The following TRIM26 variants were observed in gnomAD, a reference collection of about 807,000 sequenced individuals.
The protein encoded by TRIM26 is tripartite motif-containing protein 26.
A neutral mutation model predicts 45.5 loss-of-function variants in TRIM26; 16 were observed. That is an observed-to-expected ratio of 0.35 (90% CI 0.24 to 0.53). TRIM26 has a LOEUF of 0.53. TRIM26 is among the 20% of genes least tolerant of loss of function. The pLI, the probability that TRIM26 is intolerant of heterozygous loss-of-function variation, is 0.92. For missense variants in TRIM26, 442 were observed against 691.1 expected, an observed-to-expected ratio of 0.64 and a Z score of 4.04; for synonymous variants, 273 against 290.4, an observed-to-expected ratio of 0.94 and a Z score of 0.61.
chr6:30,189,859 G>A lies in TRIM26; in HGVS notation c.788+154C>T, dbSNP rs981626387. 26 of 852,394 alleles carry A rather than the reference G, an allele frequency of 3.1e-5. No individual in the cohort carries two copies. In the East Asian group the frequency reaches 5.0e-4, roughly 16 times the overall value. The allele number at this position is 852,394 out of a possible 1,614,324, so 52.8% of individuals were successfully genotyped here. ...GAGCAAGTCTCCAGTTCTCAATGATGTGTCCTGCTCCTCAGAAGGGCATCA... is the reference window on the plus strand; with the variant it reads ...GAGCAAGTCTCCAGTTCTCAATGATATGTCCTGCTCCTCAGAAGGGCATCA... On this transcript the variant is annotated intron_variant, in intron 7 of 9. Transcript: ENST00000454678. This position sits in a 1 kb window ranked among gnomAD's most constrained non-coding sequence, Gnocchi z 5.0.
intron 1 of TRIM26, among the ~76,000 whole-genome samples, chr6:30,206,490 A>G (rs1310803173): frequency 6.6e-6 from 1 of 152,262 alleles, no homozygotes; most frequent in African/African-American, 2.4e-5. Flanking sequence ...AAGGCGTTAA[A>G]TTGCCCTGGT....
At chr6:30,193,176 A>AT (rs1372822349) in intron 6 of TRIM26, among the ~76,000 whole-genome samples, 1 of 54,694 alleles carries the variant, frequency 1.8e-5, no homozygotes, top group Non-Finnish European at 3.1e-5. Flanking sequence ...ATATATATAT[A>AT]TATATATTTT....
intron 6 of TRIM26, among the ~76,000 whole-genome samples, chr6:30,191,671 A>G (rs1775859458): frequency 6.6e-6 from 1 of 152,160 alleles, no homozygotes; most frequent in African/African-American, 2.4e-5. Context: ...AAAGTTTGGG[A>G]AGAGTTGTGA....
At chr6:30,205,867 C>A (rs1777677617) in intron 1 of TRIM26, among the ~76,000 whole-genome samples, 1 of 152,102 alleles carries the variant, frequency 6.6e-6, no homozygotes, top group Non-Finnish European at 1.5e-5. Flanking sequence ...CAGAGAGGTG[C>A]CCTGGTAGAC....
Position 30,189,929 on chromosome 6 carries a change from C to G in TRIM26, c.788+84G>C. ...AGTACCTCTGGCACCATACCACTCC[C>G]CATGAATTCAAATGCACCTGGTCAG... On this transcript the variant is annotated intron_variant, in intron 7 of 9. Transcript: ENST00000454678. The surrounding 1 kb of genome is among the most constrained non-coding windows in gnomAD (Gnocchi z 5.0). 1 of 1,540,314 alleles carries G rather than the reference C, an allele frequency of 6.5e-7. No homozygotes were observed. Among genetic ancestry groups the G allele is most frequent in the Non-Finnish European group, 9.0e-7 (1 of 1,114,990 alleles).
rs1372109276 is a variant in TRIM26 at position 30,209,502 on chromosome 6, G to C, written c.-376+3803C>G. Among the ~76,000 whole-genome samples the C allele has an allele frequency of 1.3e-5, 2 of 152,138 alleles. No individual in the cohort carries two copies. Among genetic ancestry groups the C allele is most frequent in the Non-Finnish European group, 2.9e-5 (2 of 68,028 alleles). ...ATGGATTAATGCCTTTCTTGCAAGA[G>C]TCCATTGGCCAGAACCGTGAGCTGA... On this transcript the variant is annotated intron_variant, in intron 1 of 9. Coordinates refer to ENST00000454678, the MANE Select transcript of TRIM26 (RefSeq NM_003449.5). This position sits in a 1 kb window ranked among gnomAD's most constrained non-coding sequence, Gnocchi z 4.8.
intron 9 of TRIM26, among the ~76,000 whole-genome samples, 172 bp downstream of exon 9, chr6:30,188,995 A>G (rs1231518670): frequency 6.6e-6 from 1 of 152,124 alleles, no homozygotes; most frequent in Non-Finnish European, 1.5e-5. Context: ...TGCAGACTAA[A>G]GAGTAGGCTG....
intron 9 of TRIM26, chr6:30,188,628 A>G (rs1414258916): frequency 8.9e-6 from 2 of 225,954 alleles, no homozygotes; most frequent in Admixed American, 4.0e-5. Flanking sequence ...GACCTCCTCA[A>G]TGGTTCTCAC....
chr6:30,200,652 C>A (rs2127517558), intron 3 of TRIM26, among the ~76,000 whole-genome samples: 1 of 152,326 alleles, frequency 6.6e-6, no homozygotes, highest in Middle Eastern at 3.4e-3. Context: ...GTAGTCCTGA[C>A]CCAGTTCCAG....
At position 30,198,950 on chromosome 6, in the gene TRIM26, C is replaced by CGGGGCGGCTCCCTGAGAT. The variant is rs1776800871; in HGVS notation, c.136_153dup (p.Ile46_Pro51dup). ...AAAGGCTTCTTGCAGAGTGGGCAGA[C>CGGGGCGGCTCCCTGAGAT]GGGGCGGCTCCCTGAGATGGGGCGG... On this transcript the variant is annotated inframe_insertion, in exon 4 of 10. Coordinates refer to ENST00000454678, the MANE Select transcript of TRIM26 (RefSeq NM_003449.5). The surrounding 1 kb of genome is among the most constrained non-coding windows in gnomAD (Gnocchi z 6.3). The CGGGGCGGCTCCCTGAGAT allele has an allele frequency of 6.2e-7, 1 of 1,612,632 alleles. No homozygotes were observed. Among genetic ancestry groups the CGGGGCGGCTCCCTGAGAT allele is most frequent in the South Asian group, 1.1e-5 (1 of 91,064 alleles).
chr6:30,189,249 C>T lies in TRIM26; in HGVS notation c.905-50G>A. On this transcript the variant is annotated intron_variant, in intron 8 of 9. Coordinates refer to ENST00000454678, the MANE Select transcript of TRIM26 (RefSeq NM_003449.5). This position sits in a 1 kb window ranked among gnomAD's most constrained non-coding sequence, Gnocchi z 5.0. ...GACTCAAGTCCCGAAAATTTATGAG[C>T]CCATTTCTTGCTCGGGCAGTATCAA... 2 of 1,611,964 alleles carry T rather than the reference C, an allele frequency of 1.2e-6. No individual in the cohort carries two copies. Among genetic ancestry groups the T allele is most frequent in the Non-Finnish European group, 1.7e-6 (2 of 1,179,074 alleles).
At chr6:30,211,942 T>C (rs1014399230) in intron 1 of TRIM26, among the ~76,000 whole-genome samples, 16 of 152,212 alleles carry the variant, frequency 1.1e-4, no homozygotes, top group African/African-American at 3.9e-4. Flanking sequence ...ATATAACTCT[T>C]GGCTCCCTAG....
chr6:30,206,934 G>A (rs1777786800), intron 1 of TRIM26, among the ~76,000 whole-genome samples: 1 of 152,220 alleles, frequency 6.6e-6, no homozygotes. Flanking sequence ...GCACGAGGTG[G>A]GGTGAGGTGC....
chr6:30,188,264 C>T, intron 9 of TRIM26: 1 of 365,430 alleles, frequency 2.7e-6, no homozygotes, highest in Non-Finnish European at 5.1e-6. Flanking sequence ...CAGATGTGGC[C>T]TCTGAGTTCC....
In TRIM26 at chr6:30,186,480, C is replaced by G. The variant is rs143230155; in HGVS notation, c.1016G>C (p.Ser339Thr). 1.7e-5 allele frequency: 27 copies of G among 1,567,442 alleles called. No individual in the cohort carries two copies. Among genetic ancestry groups the G allele is most frequent in the Non-Finnish European group, 2.3e-5 (27 of 1,156,782 alleles). The change falls in exon 10 of 10, where the codon AGC becomes ACC. Residue 339 changes from serine to threonine, a missense_variant. Transcript: ENST00000454678. The surrounding 1 kb of genome is among the most constrained non-coding windows in gnomAD (Gnocchi z 7.4). ...SEDWKCVTYT[S>T]LYKSAYLHPQ... ...GTGCAGGTAGGCACTCTTGTACAGG[C>G]TGGTGTAGGTCACGCACTTCCAGTC...
chr6:30,196,529 G>A lies in TRIM26; in HGVS notation c.752C>T (p.Ala251Val). Reference protein sequence around the residue: ...ELEGKAQQPAAELMQDTRDFL... With the variant: ...ELEGKAQQPAVELMQDTRDFL... ...ACGGCCTCTCACCTGCATGAGCTCT[G>A]CAGCTGGCTGCTGCGCCTTGCCCTC... Residue 251 changes from alanine to valine, a missense_variant, in exon 6 of 10, where the codon GCA (alanine) becomes GTA (valine). Ala to Val is a moderately conservative substitution (Grantham distance 64, BLOSUM62 0). Transcript: ENST00000454678. This position sits in a 1 kb window ranked among gnomAD's most constrained non-coding sequence, Gnocchi z 4.9. The A allele has an allele frequency of 6.2e-7, 1 of 1,608,356 alleles. No individual in the cohort carries two copies. The highest frequency in any genetic ancestry group is 8.5e-7 in the Non-Finnish European group (1 of 1,179,992).
rs1239802848 is a variant in TRIM26, at chr6:30,198,546, C to T, written c.439-22G>A. 10 of 1,612,766 alleles carry T rather than the reference C, an allele frequency of 6.2e-6. No homozygotes were observed. Among genetic ancestry groups the T allele is most frequent in the East Asian group, 4.5e-5 (2 of 44,866 alleles). On this transcript the variant is annotated intron_variant, in intron 4 of 9. Coordinates refer to ENST00000454678, the MANE Select transcript of TRIM26 (RefSeq NM_003449.5). This position sits in a 1 kb window ranked among gnomAD's most constrained non-coding sequence, Gnocchi z 6.3. ...TTTCCTGTGGAAAAACAAGCAGTGG[C>T]AACAGGTGGATGCTCTGGGCTGGGG...
At chr6:30,187,133 C>A in intron 9 of TRIM26, 1 of 291,066 alleles carries the variant, frequency 3.4e-6, no homozygotes, top group Non-Finnish European at 6.8e-6. Context: ...ATGGACTCTA[C>A]CCCAATTACT....
In TRIM26 at chr6:30,186,627, TA is replaced by T; in HGVS notation, c.938-70del. ...GTTTTGTTTTTTAAGTCAGAGGGAATAAAATTTATTTTGGCAGATAGCGTTA... is the reference window on the plus strand; with the variant it reads ...GTTTTGTTTTTTAAGTCAGAGGGAATAAATTTATTTTGGCAGATAGCGTTA... On this transcript the variant is annotated intron_variant, in intron 9 of 9. Coordinates refer to ENST00000454678, the MANE Select transcript of TRIM26 (RefSeq NM_003449.5). The surrounding 1 kb of genome is among the most constrained non-coding windows in gnomAD (Gnocchi z 7.4). 4 of 1,465,094 alleles carry T rather than the reference TA, an allele frequency of 2.7e-6. No individual in the cohort carries two copies. Among genetic ancestry groups the T allele is most frequent in the Non-Finnish European group, 1.8e-6 (2 of 1,111,154 alleles). 90.8% of individuals were successfully genotyped at this position (1,465,094 alleles called of 1,614,324 possible). A position where few individuals can be genotyped will look rare whatever the true frequency, so the allele number is the denominator to read the frequency against.
Sources: allele counts gnomAD v4.1 joint callset (sites outside exome capture counted in the v4.1 genomes callset), GRCh38; gene constraint gnomAD v4.1.1; non-coding constraint Gnocchi (gnomAD v3.1); transcripts MANE v1.5; gene names NCBI Gene and HGNC (gene_info 2026-07-23, HGNC 2026-07-21).